The following SLC7A11 variants were observed in gnomAD, a reference collection of about 807,000 sequenced individuals.
SLC7A11 encodes the protein cystine/glutamate transporter.
A neutral mutation model predicts 54.5 loss-of-function variants in SLC7A11; 35 were observed. That is an observed-to-expected ratio of 0.64 (90% CI 0.49 to 0.85). The LOEUF is 0.85. Among genes scored for constraint, SLC7A11 ranks in the 40% least tolerant of loss-of-function variants. The pLI, the probability that SLC7A11 is intolerant of heterozygous loss-of-function variation, is 0.00. For synonymous variants in SLC7A11, 230 were observed against 225.2 expected (o/e 1.02, Z -0.19); for missense variants, 583 against 618.1 (o/e 0.94, Z 0.60).
At chr4:138,218,661 C>A (rs543928760) in intron 5 of SLC7A11, among the ~76,000 whole-genome samples, 1 of 152,236 alleles carries the variant, frequency 6.6e-6, no homozygotes, top group South Asian at 2.1e-4. Context: ...TTTTAATCAT[C>A]TTCACTTTTT....
intron 4 of SLC7A11, among the ~76,000 whole-genome samples, chr4:138,221,151 A>C (rs1022764499): frequency 6.6e-6 from 1 of 152,182 alleles, no homozygotes; most frequent in Admixed American, 6.5e-5. Context: ...CCATAAGAAA[A>C]ACCAAATTCT....
At chr4:138,178,615 T>TA (rs1736642305) in intron 11 of SLC7A11, among the ~76,000 whole-genome samples, 1 of 152,146 alleles carries the variant, frequency 6.6e-6, no homozygotes, top group African/African-American at 2.4e-5. Flanking sequence ...CATGTATACC[T>TA]ATGTAACAAA....
rs542538923 is a variant in SLC7A11, at chr4:138,219,311, C to A, written c.701G>T (p.Arg234Leu). 1 of 1,611,268 alleles carries A rather than the reference C, an allele frequency of 6.2e-7. No individual in the cohort carries two copies. Among genetic ancestry groups the A allele is most frequent in the Non-Finnish European group, 8.5e-7 (1 of 1,177,656 alleles). ...AFSGRDSSIT[R>L]LPLAFYYGMY... Reference sequence around the variant, plus strand: ...TCCATAATAAAAAGCCAGTGGCAACCGCGTAATACTTGAATCTCTTCCTGA... The same window carrying A: ...TCCATAATAAAAAGCCAGTGGCAACAGCGTAATACTTGAATCTCTTCCTGA... Residue 234 changes from arginine to leucine, a missense_variant, in exon 5 of 12, where the codon CGG (arginine) becomes CTG (leucine). Coordinates refer to ENST00000280612, the MANE Select transcript of SLC7A11 (RefSeq NM_014331.4).
intron 3 of SLC7A11, among the ~76,000 whole-genome samples, chr4:138,227,985 T>G (rs1276780799): frequency 6.6e-6 from 1 of 152,198 alleles, no homozygotes; most frequent in Non-Finnish European, 1.5e-5. Flanking sequence ...ACAGAGCCAC[T>G]TCATATGCTG....
In SLC7A11 at chr4:138,195,044, T is replaced by C. The variant is rs573930533; in HGVS notation, c.792-9800A>G. Among the ~76,000 whole-genome samples the C allele has an allele frequency of 1.6e-4, 25 of 152,288 alleles. 1 individual carries two copies. In the East Asian group the frequency reaches 4.8e-3, roughly 29 times the overall value. On this transcript the variant is annotated intron_variant, in intron 6 of 11. Coordinates refer to ENST00000280612, the MANE Select transcript of SLC7A11 (RefSeq NM_014331.4). ...AATCTCTTCTCCTGTCTTCTGAAGA[T>C]GTGATTCTGTCCTCAAGCAGCAGTA... is the stretch of plus-strand genomic sequence containing the variant.
intron 1 of SLC7A11, among the ~76,000 whole-genome samples, chr4:138,238,845 T>C (rs1194069551): frequency 6.6e-6 from 1 of 152,098 alleles, no homozygotes; most frequent in African/African-American, 2.4e-5. Context: ...TCAAGGGGTC[T>C]GTCTGCCTCA....
At chr4:138,221,441 C>G (rs950649475) in intron 4 of SLC7A11, among the ~76,000 whole-genome samples, 8 of 152,092 alleles carry the variant, frequency 5.3e-5, no homozygotes, top group African/African-American at 1.9e-4. Context: ...AATGTGTGAT[C>G]ATGTTAGAGA....
Position 138,185,361 on chromosome 4 carries a change from G to A in SLC7A11, c.792-117C>T, listed in dbSNP as rs1345448285. The stretch of plus-strand genomic sequence containing the variant: ...ATAATGGTATCTACAATAATTATAG[G>A]CTCTGTTGGGTATGTATAAACATTT... On this transcript the variant is annotated intron_variant, in intron 6 of 11. Transcript: ENST00000280612. 3 of 1,156,934 alleles carry A rather than the reference G, an allele frequency of 2.6e-6. No individual in the cohort carries two copies. The African/African-American group carries it at 4.6e-5, about 18-fold the overall frequency. 71.7% of individuals were successfully genotyped at this position (1,156,934 alleles called of 1,614,324 possible).
chr4:138,204,968 T>C (rs773728267), intron 6 of SLC7A11, among the ~76,000 whole-genome samples: 1 of 152,040 alleles, frequency 6.6e-6, no homozygotes, highest in Non-Finnish European at 1.5e-5. Context: ...CCTCTAATTT[T>C]TTCAAAGATT....
chr4:138,239,425 A>G lies in SLC7A11; in HGVS notation c.277+2368T>C, dbSNP rs549681887. ...TATATATATGTATTAAACCAAATGT[A>G]CAGATTCTTTACAGTTGGTCCCAAA... On this transcript the variant is annotated intron_variant, in intron 1 of 11. Coordinates refer to ENST00000280612, the MANE Select transcript of SLC7A11 (RefSeq NM_014331.4). 2.6e-5 allele frequency among the ~76,000 whole-genome samples: 4 copies of G among 152,344 alleles called. No individual in the cohort carries two copies. The South Asian group carries it at 6.2e-4, about 24-fold the overall frequency.
At chr4:138,234,419 T>C (rs928850182) in intron 2 of SLC7A11, among the ~76,000 whole-genome samples, 6 of 152,214 alleles carry the variant, frequency 3.9e-5, no homozygotes, top group African/African-American at 1.4e-4. Flanking sequence ...CCTCCTCATG[T>C]CATTTGTTAT....
chr4:138,225,360 G>A (rs968001151), intron 3 of SLC7A11, among the ~76,000 whole-genome samples: 4 of 151,574 alleles, frequency 2.6e-5, no homozygotes, highest in Admixed American at 6.6e-5. Flanking sequence ...GGTTACTAAC[G>A]AAGAAATATT....
At position 138,170,325 on chromosome 4, in the gene SLC7A11, T is replaced by C. The variant is rs1736395426; in HGVS notation, c.*1631A>G. On this transcript the variant is annotated 3_prime_UTR_variant, in exon 12 of 12. Transcript: ENST00000280612. The stretch of plus-strand genomic sequence containing the variant: ...ACACATATATATATATATATAATCT[T>C]TTTTTTTTGGAGATGGAGTCTGACT... The C allele has an allele frequency of 7.1e-6, 1 of 140,842 alleles. No homozygotes were observed. Among genetic ancestry groups the C allele is most frequent in the Non-Finnish European group, 1.5e-5 (1 of 65,252 alleles). The allele number at this position is 140,842 out of a possible 1,614,324, so 8.7% of individuals were successfully genotyped here.
At chr4:138,226,937 C>T (rs1389360507) in intron 3 of SLC7A11, among the ~76,000 whole-genome samples, 1 of 152,088 alleles carries the variant, frequency 6.6e-6, no homozygotes, top group Non-Finnish European at 1.5e-5. Flanking sequence ...TTTTTATTTA[C>T]TTATTTATGA....
In SLC7A11 at chr4:138,241,819, G is replaced by A. The variant is rs199779027; in HGVS notation, c.251C>T (p.Thr84Met). 7.4e-5 allele frequency: 120 copies of A among 1,613,918 alleles called. 1 individual carries two copies. In the East Asian group the frequency reaches 8.9e-4, roughly 12 times the overall value. Reference protein sequence around the residue: ...GSVGMSLTIWTVCGVLSLFGA... With the variant: ...GSVGMSLTIWMVCGVLSLFGA... ...AAATAGTGACAGGACCCCACACACC[G>A]TCCAGATGGTCAGAGACATGCCCAC... The change falls in exon 1 of 12, where the codon ACG (threonine) becomes ATG (methionine). Residue 84 changes from threonine (T) to methionine (M), a missense_variant. Physicochemically the swap from Thr to Met is moderately conservative, Grantham distance 81. Coordinates refer to ENST00000280612, the MANE Select transcript of SLC7A11 (RefSeq NM_014331.4).
intron 6 of SLC7A11, among the ~76,000 whole-genome samples, chr4:138,196,962 A>G (rs184176713): frequency 1.5e-3 from 234 of 152,304 alleles, no homozygotes; most frequent in Non-Finnish European, 2.6e-3. Flanking sequence ...GCCTGGCAAT[A>G]TTGCCATTTT....
intron 5 of SLC7A11, 23 bp downstream of exon 5, chr4:138,219,243 C>A (rs1737748967): frequency 3.6e-6 from 5 of 1,370,786 alleles, no homozygotes; most frequent in Non-Finnish European, 5.2e-6. Flanking sequence ...CGCAAACCAC[C>A]AGATCTGGAG....
In SLC7A11 at chr4:138,174,215, A is replaced by T. The variant is rs150053384; in HGVS notation, c.1445-2198T>A. Among the ~76,000 whole-genome samples, 292 of 152,314 alleles carry T rather than the reference A, an allele frequency of 1.9e-3. 1 individual carries two copies. The highest frequency in any genetic ancestry group is 6.6e-3 in the African/African-American group (275 of 41,578). Reference sequence around the variant, plus strand: ...CCCCCAGATGTCTGCTATCTTAGACATCTTGCTTCCGCATGTCATAACATT... The same window carrying T: ...CCCCCAGATGTCTGCTATCTTAGACTTCTTGCTTCCGCATGTCATAACATT... On this transcript the variant is annotated intron_variant, in intron 11 of 11. Coordinates refer to ENST00000280612, the MANE Select transcript of SLC7A11 (RefSeq NM_014331.4).
intron 6 of SLC7A11, among the ~76,000 whole-genome samples, chr4:138,200,043 GCTGT>G (rs1309774435): frequency 5.3e-5 from 8 of 152,074 alleles, no homozygotes; most frequent in Non-Finnish European, 1.2e-4. Flanking sequence ...ACCTCCACTT[GCTGT>G]CTATCTCCCT....
Sources: gnomAD v4.1 joint callset for allele counts (sites outside exome capture counted in the v4.1 genomes callset) on GRCh38, gnomAD v4.1.1 for gene constraint, MANE v1.5 for transcripts, NCBI Gene and HGNC (gene_info 2026-07-23, HGNC 2026-07-21) for gene names.